The following PHC1 variants were observed in gnomAD, a reference collection of about 807,000 sequenced individuals.
PHC1 encodes polyhomeotic homolog 1.
PHC1 carries 12 observed loss-of-function variants against 104.3 expected under a neutral mutation model. The observed-to-expected ratio is 0.12, with a 90% CI of 0.07 to 0.19. The LOEUF (loss-of-function observed/expected upper bound fraction) is 0.19, where lower values mean the gene tolerates loss of function less well. Ranked by LOEUF, PHC1 falls within the 10% of genes least tolerant of loss-of-function variation. The pLI is 1.00. For synonymous variants in PHC1, 302 were observed against 455.8 expected (o/e 0.66, Z 4.30); for missense variants, 671 against 1,200.0 (o/e 0.56, Z 6.51).
intron 1 of PHC1, among the ~76,000 whole-genome samples, chr12:8,916,450 T>C (rs1468809410): frequency 2.0e-5 from 3 of 152,122 alleles, no homozygotes; most frequent in Non-Finnish European, 4.4e-5. Flanking sequence ...CTGATATTTC[T>C]AGTGGCCCAG....
chr12:8,939,146 T>A (rs1488786284), intron 14 of PHC1, among the ~76,000 whole-genome samples, 159 bp from the exon 15 acceptor site: 3 of 152,228 alleles, frequency 2.0e-5, no homozygotes, highest in African/African-American at 7.2e-5. Flanking sequence ...TACCAGTTGC[T>A]TTCTAATTTC....
chr12:8,934,307 A>C lies in PHC1; in HGVS notation c.2082A>C (p.Pro694=), dbSNP rs1269479759. ...TGGCTAATGTGAATGCTAATACTCCAAGCAGTGAACTAGTAGCCTTGACCC... is the reference window on the plus strand; with the variant it reads ...TGGCTAATGTGAATGCTAATACTCCCAGCAGTGAACTAGTAGCCTTGACCC... ...ESVANVNANT[P]SSELVALTPA... is the part of the protein sequence containing the mutation. Residue 694 remains proline (P), a synonymous_variant, in exon 10 of 15, where the codon CCA becomes CCC. Transcript: ENST00000544916. 6.2e-7 allele frequency: 1 copy of C among 1,614,012 alleles called. No individual in the cohort carries two copies. The highest frequency in any genetic ancestry group is 2.2e-5 in the East Asian group (1 of 44,896).
intron 6 of PHC1, among the ~76,000 whole-genome samples, chr12:8,926,785 C>T (rs1458055244): frequency 6.7e-6 from 1 of 150,302 alleles, no homozygotes; most frequent in Non-Finnish European, 1.5e-5. Flanking sequence ...CGTGGTGGCA[C>T]ATCCCTGTAA....
intron 3 of PHC1, among the ~76,000 whole-genome samples, chr12:8,920,088 T>A (rs1296955362): frequency 6.6e-6 from 1 of 152,226 alleles, no homozygotes; most frequent in African/African-American, 2.4e-5. Context: ...GTTATAGACC[T>A]GCATTGTCTA....
intron 4 of PHC1, 96 bp downstream of exon 4, chr12:8,921,161 G>A: frequency 2.3e-6 from 2 of 863,040 alleles, no homozygotes; most frequent in Non-Finnish European, 3.6e-6. Flanking sequence ...TGTTTATTGA[G>A]CCGTCAGTGG....
chr12:8,938,597 CAAAG>C (rs1277117031), intron 14 of PHC1, among the ~76,000 whole-genome samples: 3 of 151,532 alleles, frequency 2.0e-5, no homozygotes, highest in Non-Finnish European at 2.9e-5. Flanking sequence ...GCAATTTTGA[CAAAG>C]AGTTTTTTTC....
In PHC1 at chr12:8,921,618, A is replaced by C. The variant is rs1252210968; in HGVS notation, c.324A>C (p.Thr108=). The C allele has an allele frequency of 6.2e-7, 1 of 1,613,612 alleles. No individual in the cohort carries two copies. The highest frequency in any genetic ancestry group is 8.5e-7 in the Non-Finnish European group (1 of 1,179,852). The change falls in exon 5 of 15, where the codon ACA becomes ACC. Residue 108 remains threonine, a synonymous_variant. Transcript: ENST00000544916. ...TTQASINLAT[T]SAAQLISRSQ... ...CCACACAGATCAATCTGGCCACCAC[A>C]TCGGCCGCCCAGCTCATCAGCCGAT...
rs371446304 is a variant in PHC1, at chr12:8,933,879, A to G, written c.1908A>G (p.Thr636=). The G allele has an allele frequency of 4.3e-6, 7 of 1,613,316 alleles. No homozygotes were observed. Among genetic ancestry groups the G allele is most frequent in the African/African-American group, 4.0e-5 (3 of 74,912 alleles). Residue 636 remains threonine, a synonymous_variant, in exon 9 of 15, where the codon ACA becomes ACG. Coordinates refer to ENST00000544916, the MANE Select transcript of PHC1 (RefSeq NM_004426.3). ...TTACGGTATAGGGTAAACCCCAGAC[A>G]TTGGCTGTCAAACGCAAGGCTGACT... ...QSVHLPGKPQ[T]LAVKRKADSE... is the part of the protein sequence containing the mutation.
intron 1 of PHC1, 30 bp from the exon 2 acceptor site, chr12:8,917,600 A>G (rs1045708956): frequency 3.4e-6 from 2 of 589,350 alleles, no homozygotes; most frequent in Admixed American, 4.2e-5. Flanking sequence ...ATCAAGATAT[A>G]AATTTTAACC....
intron 14 of PHC1, among the ~76,000 whole-genome samples, chr12:8,939,067 C>T (rs1345225497): frequency 6.6e-6 from 1 of 152,248 alleles, no homozygotes; most frequent in African/African-American, 2.4e-5. Flanking sequence ...CTCAAGTGAT[C>T]TGCCTGCCCT....
intron 1 of PHC1, among the ~76,000 whole-genome samples, chr12:8,916,226 G>A (rs1310521242): frequency 1.3e-5 from 2 of 152,002 alleles, no homozygotes; most frequent in African/African-American, 4.8e-5. Context: ...ACTGGGGGGG[G>A]ATAATAGTGT....
chr12:8,921,136 C>A, intron 4 of PHC1, 71 bp downstream of exon 4: 1 of 1,145,882 alleles, frequency 8.7e-7, no homozygotes, highest in Non-Finnish European at 1.3e-6. Flanking sequence ...TTACTTTGTG[C>A]CGCTGATCTG....
At chr12:8,935,261 A>T in intron 11 of PHC1, 23 bp downstream of exon 11, 1 of 1,280,888 alleles carries the variant, frequency 7.8e-7, no homozygotes, top group Non-Finnish European at 1.1e-6. Flanking sequence ...TTAGAGACTC[A>T]TTTGGGGGAA....
In PHC1 at chr12:8,939,946, A is replaced by G. The variant is rs1208740720; in HGVS notation, c.*487A>G. The G allele has an allele frequency of 4.4e-6, 2 of 455,692 alleles. No individual in the cohort carries two copies. Among genetic ancestry groups the G allele is most frequent in the Non-Finnish European group, 8.8e-6 (2 of 226,820 alleles). The allele number at this position is 455,692 out of a possible 1,614,324, so 28.2% of individuals were successfully genotyped here. On this transcript the variant is annotated 3_prime_UTR_variant, in exon 15 of 15. Coordinates refer to ENST00000544916, the MANE Select transcript of PHC1 (RefSeq NM_004426.3). ...CCCCCTCCCAGTGTAGCTGTGGCTC[A>G]GAGTTTTTTCTTTTTGTTGTCACTT...
In PHC1 at chr12:8,919,613, C is replaced by T. The variant is rs145816077; in HGVS notation, c.115-143C>T. On this transcript the variant is annotated intron_variant, in intron 2 of 14. Transcript: ENST00000544916. This position sits in a 1 kb window ranked among gnomAD's most constrained non-coding sequence, Gnocchi z 4.9. ...TTGCTCTAAAAAAATGAAGGAAAATCAGCCGTTGACGATTTAGCCCAAACT... is the reference window on the plus strand; with the variant it reads ...TTGCTCTAAAAAAATGAAGGAAAATTAGCCGTTGACGATTTAGCCCAAACT... 13,783 of 766,866 alleles carry T rather than the reference C, an allele frequency of 0.018. 182 individuals carry two copies. The highest frequency in any genetic ancestry group is 0.02 in the Middle Eastern group (51 of 2,572). 47.5% of individuals were successfully genotyped at this position (766,866 alleles called of 1,614,324 possible).
rs1945349067 is a variant in PHC1, at chr12:8,921,070, G to A, written c.306+5G>A. On this transcript the variant is annotated splice_donor_5th_base_variant and intron_variant, in intron 4 of 14. Coordinates refer to ENST00000544916, the MANE Select transcript of PHC1 (RefSeq NM_004426.3). ...ACTACCACCACCCAGGCCTCGGTGA[G>A]TACGCCCTCTCCCACTGAGAGGCTT... 1 of 1,606,074 alleles carries A rather than the reference G, an allele frequency of 6.2e-7. No homozygotes were observed. The highest frequency in any genetic ancestry group is 1.3e-5 in the African/African-American group (1 of 74,642).
chr12:8,922,335 T>TA lies in PHC1; in HGVS notation c.457-297dup, dbSNP rs572789905. Among the ~76,000 whole-genome samples the TA allele has an allele frequency of 3.8e-3, 583 of 152,370 alleles. 3 individuals are homozygous for TA. Among genetic ancestry groups the TA allele is most frequent in the Non-Finnish European group, 5.5e-3 (372 of 68,034 alleles). ...TGGCTCAAGTATACAAATTCTGTGT[T>TA]ATCGCTCAGCCTACCTACTTTCTAT... is the stretch of plus-strand genomic sequence containing the variant. On this transcript the variant is annotated intron_variant, in intron 5 of 14. Coordinates refer to ENST00000544916, the MANE Select transcript of PHC1 (RefSeq NM_004426.3).
At chr12:8,920,029 G>A (rs1945316301) in intron 3 of PHC1, 163 bp downstream of exon 3, 1 of 1,125,894 alleles carries the variant, frequency 8.9e-7, no homozygotes, top group Non-Finnish European at 1.3e-6. Context: ...TTAGCTTCTG[G>A]GGTTGCAGTA....
intron 8 of PHC1, 47 bp from the exon 9 acceptor site, chr12:8,933,818 T>G: frequency 6.5e-7 from 1 of 1,527,826 alleles, no homozygotes; most frequent in East Asian, 2.3e-5. Flanking sequence ...TTCCTTATTA[T>G]CCTTCATTTG....
Sources: allele counts gnomAD v4.1 joint callset (sites outside exome capture counted in the v4.1 genomes callset), GRCh38; gene constraint gnomAD v4.1.1; non-coding constraint Gnocchi (gnomAD v3.1); transcripts MANE v1.5; gene names NCBI Gene and HGNC (gene_info 2026-07-23, HGNC 2026-07-21).